IGSF23: variants seen among roughly 807,000 people sequenced by gnomAD.
IGSF23 encodes immunoglobulin superfamily member 23.
In IGSF23, 14 loss-of-function variants were observed where a neutral mutation model predicts 17.8. The ratio of observed to expected loss-of-function variants is 0.79; its 90% CI spans 0.52 to 1.23. IGSF23 has a LOEUF of 1.23. Among genes scored for constraint, IGSF23 ranks in the 50% most tolerant of loss-of-function variants. IGSF23 has a pLI of 0.00. For synonymous variants in IGSF23, 85 were observed against 92.5 expected (o/e 0.92, Z 0.46); for missense variants, 214 against 241.7 (o/e 0.89, Z 0.76).
At chr19:44,621,365 T>A (rs1024248387) in intron 1 of IGSF23, among the ~76,000 whole-genome samples, 16 of 149,990 alleles carry the variant, frequency 1.1e-4, no homozygotes, top group Non-Finnish European at 2.2e-4. Context: ...AAAATGGGAA[T>A]AAGGCCGGCA....
At chr19:44,617,377 C>T (rs1014990744) in intron 1 of IGSF23, among the ~76,000 whole-genome samples, 7 of 151,804 alleles carry the variant, frequency 4.6e-5, no homozygotes, top group Non-Finnish European at 8.8e-5. Context: ...TTGAATTGTA[C>T]GCTTTAAATG....
At chr19:44,616,646 G>A (rs1225583725) in intron 1 of IGSF23, among the ~76,000 whole-genome samples, 13 of 143,308 alleles carry the variant, frequency 9.1e-5, no homozygotes, top group South Asian at 2.2e-4. Flanking sequence ...GCAGTGAGCC[G>A]AGATTGCACC....
At chr19:44,627,987 C>T (rs142697136) in intron 3 of IGSF23, among the ~76,000 whole-genome samples, 2,120 of 151,164 alleles carry the variant, frequency 0.014, 47 homozygotes, top group African/African-American at 0.05. Flanking sequence ...TTCTGTTGCC[C>T]AGGCCGGAGT....
chr19:44,620,346 TGTGTGTG>T (rs1972488773), intron 1 of IGSF23, among the ~76,000 whole-genome samples: 1 of 50,200 alleles, frequency 2.0e-5, no homozygotes, highest in Non-Finnish European at 4.5e-5. Context: ...TAATTTTGTG[TGTGTGTG>T]TGTGTGTGTG....
At chr19:44,626,911 ACT>A (rs1426292614) in intron 2 of IGSF23, among the ~76,000 whole-genome samples, 1 of 138,982 alleles carries the variant, frequency 7.2e-6, no homozygotes, top group African/African-American at 2.7e-5. Flanking sequence ...ACAGAGGGAG[ACT>A]CTGTCTCAAA....
chr19:44,633,798 T>C (rs1308104600), intron 3 of IGSF23, among the ~76,000 whole-genome samples: 1 of 152,232 alleles, frequency 6.6e-6, no homozygotes, highest in East Asian at 1.9e-4. Flanking sequence ...TGCTTTGCCT[T>C]GTTTCTTTGT....
intron 1 of IGSF23, among the ~76,000 whole-genome samples, chr19:44,622,133 T>C (rs990337822): frequency 6.6e-6 from 1 of 151,540 alleles, no homozygotes; most frequent in African/African-American, 2.4e-5. Flanking sequence ...GGCAGGAGAA[T>C]TGCTTGAACC....
intron 3 of IGSF23, among the ~76,000 whole-genome samples, chr19:44,634,607 G>A (rs1972844728): frequency 6.6e-6 from 1 of 152,014 alleles, no homozygotes; most frequent in East Asian, 1.9e-4. Flanking sequence ...ACTACTTTTC[G>A]CCCAGCGTCC....
At position 44,629,151 on chromosome 19, in the gene IGSF23, C is replaced by A. The variant is rs569317738; in HGVS notation, c.545+1578C>A. Among the ~76,000 whole-genome samples the A allele has an allele frequency of 7.2e-5, 11 of 152,274 alleles. No homozygotes were observed. The South Asian group carries it at 1.0e-3, about 14-fold the overall frequency. ...CCTTGTAGGCTCTCTGAGCACTTGG[C>A]TTTTGCTCTGAGTGAGATGGAAGCC... On this transcript the variant is annotated intron_variant, in intron 3 of 4. Transcript: ENST00000402988.
At chr19:44,625,839 C>T (rs866810257) in intron 2 of IGSF23, among the ~76,000 whole-genome samples, 1 of 152,070 alleles carries the variant, frequency 6.6e-6, no homozygotes, top group Non-Finnish European at 1.5e-5. Flanking sequence ...CCATGCTGTT[C>T]TCGTGATAGT....
At position 44,629,582 on chromosome 19, in the gene IGSF23, T is replaced by C. The variant is rs73565913; in HGVS notation, c.545+2009T>C. Among the ~76,000 whole-genome samples the C allele has an allele frequency of 2.7e-3, 406 of 151,998 alleles. 1 individual carries two copies. The highest frequency in any genetic ancestry group is 9.3e-3 in the African/African-American group (386 of 41,450). ...ATTTCTAAAAATTAAAAAAATAATGTTTTTAAAAAACTTGATCTTACCATG... is the reference window on the plus strand; with the variant it reads ...ATTTCTAAAAATTAAAAAAATAATGCTTTTAAAAAACTTGATCTTACCATG... On this transcript the variant is annotated intron_variant, in intron 3 of 4. Coordinates refer to ENST00000402988, the MANE Select transcript of IGSF23 (RefSeq NM_001205280.2).
At chr19:44,631,092 CA>C (rs34410787) in intron 3 of IGSF23, among the ~76,000 whole-genome samples, 56 of 129,782 alleles carry the variant, frequency 4.3e-4, no homozygotes, top group Non-Finnish European at 4.8e-4. Context: ...CATGTCTCTA[CA>C]AAAAAAAAAA....
At chr19:44,633,266 A>G (rs1404022959) in intron 3 of IGSF23, among the ~76,000 whole-genome samples, 1 of 152,222 alleles carries the variant, frequency 6.6e-6, no homozygotes, top group Non-Finnish European at 1.5e-5. Context: ...CACTGTTCTA[A>G]ACATTTTAAA....
chr19:44,633,159 G>C (rs1234917607), intron 3 of IGSF23, among the ~76,000 whole-genome samples: 1 of 152,214 alleles, frequency 6.6e-6, no homozygotes, highest in African/African-American at 2.4e-5. Context: ...GTCTTGCTCA[G>C]CTAAGGGGAT....
chr19:44,633,367 C>A (rs1175135236), intron 3 of IGSF23, among the ~76,000 whole-genome samples: 1 of 152,216 alleles, frequency 6.6e-6, no homozygotes. Context: ...TGAAGCGGTT[C>A]TTTCAAACCT....
At chr19:44,617,994 A>G (rs2123715012) in intron 1 of IGSF23, 1 of 425,688 alleles carries the variant, frequency 2.3e-6, no homozygotes, top group South Asian at 1.7e-5. Flanking sequence ...AATTTTTGCA[A>G]CATCCAGTAT....
At chr19:44,615,861 T>C (rs1972362350) in intron 1 of IGSF23, among the ~76,000 whole-genome samples, 1 of 149,926 alleles carries the variant, frequency 6.7e-6, no homozygotes, top group Non-Finnish European at 1.5e-5. Flanking sequence ...GCTGCTGTAG[T>C]TTTGTGATGG....
chr19:44,635,536 AT>A (rs1972872163), intron 4 of IGSF23, 71 bp downstream of exon 4: 1 of 1,056,344 alleles, frequency 9.5e-7, no homozygotes, highest in Non-Finnish European at 1.4e-6. Flanking sequence ...CAGAGACTCC[AT>A]ATGTGATTTC....
rs372673540 is a variant in IGSF23 at position 44,614,874 on chromosome 19, T to C, written c.125+1104T>C. ...ATGTGCCCTCTCCAGGTCACACACT[T>C]GGAAGTGGCAGACTGAAGATTTGAA... is the stretch of plus-strand genomic sequence containing the variant. On this transcript the variant is annotated intron_variant, in intron 1 of 4. Coordinates refer to ENST00000402988, the MANE Select transcript of IGSF23 (RefSeq NM_001205280.2). Among the ~76,000 whole-genome samples, 15 of 152,332 alleles carry C rather than the reference T, an allele frequency of 9.8e-5. No individual in the cohort carries two copies. In the South Asian group the frequency reaches 2.7e-3, roughly 27 times the overall value.
Sources: gnomAD v4.1 joint callset for allele counts (sites outside exome capture counted in the v4.1 genomes callset) on GRCh38, gnomAD v4.1.1 for gene constraint, MANE v1.5 for transcripts, NCBI Gene and HGNC (gene_info 2026-07-23, HGNC 2026-07-21) for gene names.